CRHR2: variants seen among roughly 807,000 people sequenced by gnomAD.
CRHR2 encodes the protein corticotropin-releasing hormone receptor 2.
Under a neutral mutation model 57.9 loss-of-function variants are expected in CRHR2, and 53 were observed. The ratio of observed to expected loss-of-function variants is 0.92; its 90% confidence interval spans 0.73 to 1.15. The LOEUF (loss-of-function observed/expected upper bound fraction) is 1.15. CRHR2 is among the 50% of genes most tolerant of loss of function. CRHR2 has a pLI of 0.00. For synonymous variants in CRHR2, 213 were observed against 220.9 expected (o/e 0.96, Z 0.32); for missense variants, 532 against 542.6 (o/e 0.98, Z 0.19).
Position 30,687,898 on chromosome 7 carries a change from G to C in CRHR2, c.-166-1283C>G, listed in dbSNP as rs577067462. On this transcript the variant is annotated intron_variant, in intron 2 of 13. Coordinates refer to the CRHR2 transcript ENST00000341843. The stretch of plus-strand genomic sequence containing the variant: ...TCTGATGCTGGCATGGCCTGTGCTA[G>C]GTGTCCCCGTGGGCTCTCATTCAGC... 3.9e-5 allele frequency among the ~76,000 whole-genome samples: 6 copies of C among 152,342 alleles called. 1 individual carries two copies. The highest frequency in any genetic ancestry group is 5.9e-5 in the Non-Finnish European group (4 of 68,032).
Position 30,690,344 on chromosome 7 carries a change from C to T in CRHR2, c.-260-1060G>A, listed in dbSNP as rs537920692. ...GGAAAATGCATGGTGTATGACTGAA[C>T]GAGAGCAATTCACTCTAAATTCTAA... On this transcript the variant is annotated intron_variant, in intron 1 of 13. Transcript: ENST00000341843. 7.9e-5 allele frequency among the ~76,000 whole-genome samples: 12 copies of T among 152,264 alleles called. 1 individual carries two copies. The highest frequency in any genetic ancestry group is 2.6e-4 in the African/African-American group (11 of 41,546).
At chr7:30,659,100 A>G (rs1463074508) in intron 8 of CRHR2, among the ~76,000 whole-genome samples, 1 of 152,202 alleles carries the variant, frequency 6.6e-6, no homozygotes, top group Non-Finnish European at 1.5e-5. Context: ...TGAGCATGCA[A>G]GGGTTGGAAA....
At chr7:30,659,833 T>C (rs1189712425) in intron 8 of CRHR2, among the ~76,000 whole-genome samples, 2 of 152,240 alleles carry the variant, frequency 1.3e-5, no homozygotes, top group East Asian at 1.9e-4. Context: ...CTGTGGCCCT[T>C]TAAGGAAGCT....
At chr7:30,662,345 C>G in intron 6 of CRHR2, 129 bp from the exon 7 acceptor site, 1 of 1,038,266 alleles carries the variant, frequency 9.6e-7, no homozygotes, top group South Asian at 1.5e-5. Context: ...CACCCACAAC[C>G]CCAGGGGTGC....
At chr7:30,673,313 G>T (rs1017142295) in intron 2 of CRHR2, among the ~76,000 whole-genome samples, 1 of 151,980 alleles carries the variant, frequency 6.6e-6, no homozygotes, top group African/African-American at 2.4e-5. Flanking sequence ...ATACTCAAGT[G>T]ATCCTCCTGC....
chr7:30,667,154 G>A (rs898469874), intron 3 of CRHR2, 74 bp downstream of exon 3: 8 of 1,366,906 alleles, frequency 5.9e-6, no homozygotes, highest in African/African-American at 2.9e-5. Context: ...TGCCCCCCTT[G>A]GGATCTTCTC....
chr7:30,667,379 T>A, intron 2 of CRHR2, 66 bp from the exon 3 acceptor site: 1 of 1,388,562 alleles, frequency 7.2e-7, no homozygotes, highest in Non-Finnish European at 1.0e-6. Context: ...CCTGGCTCCC[T>A]GGTGCCCACA....
chr7:30,691,243 A>G (rs2128151065), intron 1 of CRHR2, among the ~76,000 whole-genome samples: 1 of 152,336 alleles, frequency 6.6e-6, no homozygotes, highest in South Asian at 2.1e-4. Flanking sequence ...AGAAGCAGCT[A>G]GTAATGCCCT....
Position 30,662,631 on chromosome 7 carries a change from A to G in CRHR2, c.697+63T>C, listed in dbSNP as rs1234074528. 6 of 1,569,958 alleles carry G rather than the reference A, an allele frequency of 3.8e-6. No individual in the cohort carries two copies. In the African/African-American group the frequency reaches 8.1e-5, roughly 21 times the overall value. On this transcript the variant is annotated intron_variant, in intron 6 of 11. Coordinates refer to ENST00000471646, the MANE Select transcript of CRHR2 (RefSeq NM_001883.5). ...GCTCTGGTCCTTGGACCCAAGACGAAGGGAAATGGCCTGGTGAGAAGTCCT... is the reference window on the plus strand; with the variant it reads ...GCTCTGGTCCTTGGACCCAAGACGAGGGGAAATGGCCTGGTGAGAAGTCCT...
At chr7:30,677,555 G>A (rs1451521125) in intron 2 of CRHR2, among the ~76,000 whole-genome samples, 5 of 152,174 alleles carry the variant, frequency 3.3e-5, no homozygotes, top group Non-Finnish European at 7.3e-5. Flanking sequence ...ACCTGGGTTC[G>A]GAGAATCCTG....
chr7:30,677,504 A>G (rs898552083), intron 2 of CRHR2, among the ~76,000 whole-genome samples: 16 of 152,192 alleles, frequency 1.1e-4, no homozygotes, highest in Admixed American at 7.2e-4. Flanking sequence ...ATTAAATTGT[A>G]TATGGACATT....
chr7:30,679,481 A>G (rs1011022485), intron 2 of CRHR2, among the ~76,000 whole-genome samples: 1 of 152,230 alleles, frequency 6.6e-6, no homozygotes, highest in East Asian at 1.9e-4. Flanking sequence ...TGCCTGAGAT[A>G]TGGATACAAA....
In CRHR2 at chr7:30,655,598, G is replaced by A; in HGVS notation, c.1035C>T (p.Ser345=). 6.2e-7 allele frequency: 1 copy of A among 1,613,794 alleles called. No homozygotes were observed. Among genetic ancestry groups the A allele is most frequent in the African/African-American group, 1.3e-5 (1 of 75,058 alleles). Reference sequence around the variant, plus strand: ...GCCCCACCTGGAACGACTGCAGGAAGGAGTTGAAATAGATGAACATGATCT... The same window carrying A: ...GCCCCACCTGGAACGACTGCAGGAAAGAGTTGAAATAGATGAACATGATCT... ...LSQIMFIYFN[S]FLQSFQGFFV... The change falls in exon 10 of 12, where the codon TCC becomes TCT. Residue 345 remains serine, a synonymous_variant. Transcript: ENST00000471646.
At chr7:30,696,808 T>A (rs564114780) in intron 1 of CRHR2, among the ~76,000 whole-genome samples, 1 of 152,236 alleles carries the variant, frequency 6.6e-6, no homozygotes, top group South Asian at 2.1e-4. Context: ...TAGCTGTAGA[T>A]AAAATGGTTT....
chr7:30,696,507 G>A (rs1785060819), intron 1 of CRHR2, among the ~76,000 whole-genome samples: 1 of 152,136 alleles, frequency 6.6e-6, no homozygotes, highest in Admixed American at 6.5e-5. Context: ...GGATCATGAG[G>A]TCAGGAGATC....
intron 1 of CRHR2, among the ~76,000 whole-genome samples, chr7:30,697,639 T>C (rs1317635776): frequency 1.3e-5 from 2 of 152,060 alleles, no homozygotes; most frequent in African/African-American, 4.8e-5. Flanking sequence ...ACCCTTACAA[T>C]TGCAGATCAG....
upstream of CRHR2, among the ~76,000 whole-genome samples, chr7:30,684,481 G>A (rs41359050): frequency 0.021 from 3,161 of 152,356 alleles, 52 homozygotes; most frequent in Middle Eastern, 0.051. Context: ...ATGACCAGAG[G>A]CCAGGGACTT....
chr7:30,657,736 A>T (rs1380111640), intron 8 of CRHR2, among the ~76,000 whole-genome samples: 2 of 152,138 alleles, frequency 1.3e-5, no homozygotes, highest in Non-Finnish European at 2.9e-5. Context: ...CAACCAGTTC[A>T]TTCATTTACC....
chr7:30,663,693 A>G (rs914080886), intron 5 of CRHR2, among the ~76,000 whole-genome samples: 4 of 152,226 alleles, frequency 2.6e-5, no homozygotes, highest in Admixed American at 6.5e-5. Context: ...GCAGTGGGCC[A>G]TGGCAGGGCC....
Sources: gnomAD v4.1 joint callset for allele counts (sites outside exome capture counted in the v4.1 genomes callset) on GRCh38, gnomAD v4.1.1 for gene constraint, MANE v1.5 for transcripts, NCBI Gene and HGNC (gene_info 2026-07-23, HGNC 2026-07-21) for gene names.